SDHB: variants seen among roughly 807,000 people sequenced by gnomAD.
SDHB encodes the protein succinate dehydrogenase [ubiquinone] iron-sulfur subunit, mitochondrial.
A neutral mutation model predicts 39.7 loss-of-function variants in SDHB; 21 were observed. The ratio of observed to expected loss-of-function variants is 0.53; its 90% CI spans 0.37 to 0.76. The LOEUF (loss-of-function observed/expected upper bound fraction) is 0.76, where lower values mean the gene tolerates loss of function less well. Ranked by LOEUF, SDHB falls within the 30% of genes least tolerant of loss-of-function variation. SDHB has a pLI of 0.00. For missense variants in SDHB, 343 were observed against 350.9 expected, an observed-to-expected ratio of 0.98 and a Z score of 0.18; for synonymous variants, 118 against 117.0, an observed-to-expected ratio of 1.01 and a Z score of -0.06.
At chr1:17,030,385 T>C (rs2078016021) in intron 3 of SDHB, among the ~76,000 whole-genome samples, 1 of 152,078 alleles carries the variant, frequency 6.6e-6, no homozygotes, top group Non-Finnish European at 1.5e-5. Flanking sequence ...CATAGTACCC[T>C]GGGGCTATGA....
intron 2 of SDHB, among the ~76,000 whole-genome samples, chr1:17,036,073 T>C (rs1333361830): frequency 2.6e-5 from 4 of 152,110 alleles, no homozygotes; most frequent in Non-Finnish European, 4.4e-5. Flanking sequence ...TTGTTTGATA[T>C]TCTGGGTCCC....
chr1:17,053,820 G>A lies in SDHB; in HGVS notation c.72+128C>T, dbSNP rs2078161994. 1.6e-5 allele frequency: 12 copies of A among 728,338 alleles called. No homozygotes were observed. In the Admixed American group the frequency reaches 1.8e-4, roughly 11 times the overall value. 45.1% of individuals were successfully genotyped at this position (728,338 alleles called of 1,614,324 possible). On this transcript the variant is annotated intron_variant, in intron 1 of 7. Coordinates refer to ENST00000375499, the MANE Select transcript of SDHB (RefSeq NM_003000.3). ...GAAGCCAAACCAAAGCACTGCACCA[G>A]GGGGAGGAGGTCCTCCATCTCCCTG... is the stretch of plus-strand genomic sequence containing the variant.
intron 2 of SDHB, among the ~76,000 whole-genome samples, chr1:17,043,250 CGCGCCCG>C (rs1373697928): frequency 6.6e-6 from 1 of 151,988 alleles, no homozygotes; most frequent in Non-Finnish European, 1.5e-5. Context: ...CATGAGCCAC[CGCGCCCG>C]GCCTGTTTAT....
intron 1 of SDHB, among the ~76,000 whole-genome samples, chr1:17,049,805 C>T (rs1282964242): frequency 6.6e-6 from 1 of 151,438 alleles, no homozygotes; most frequent in Non-Finnish European, 1.5e-5. Flanking sequence ...GTCACACGCC[C>T]GGCTAACTTT....
chr1:17,037,691 A>G (rs2078057303), intron 2 of SDHB, among the ~76,000 whole-genome samples: 1 of 152,162 alleles, frequency 6.6e-6, no homozygotes, highest in South Asian at 2.1e-4. Flanking sequence ...TCCTGGACTC[A>G]AGTCATCTGC....
At chr1:17,038,991 T>C (rs2078064320) in intron 2 of SDHB, among the ~76,000 whole-genome samples, 1 of 152,174 alleles carries the variant, frequency 6.6e-6, no homozygotes, top group Non-Finnish European at 1.5e-5. Context: ...TTCTTTATTT[T>C]TTCTTGCGCT....
chr1:17,022,570 G>A (rs1327158373), intron 7 of SDHB, 38 bp downstream of exon 7: 1 of 1,612,062 alleles, frequency 6.2e-7, no homozygotes, highest in African/African-American at 1.3e-5. Flanking sequence ...TGGCGTGTCA[G>A]CTCTGAGGCA....
At chr1:17,046,699 T>A (rs771352966) in intron 1 of SDHB, among the ~76,000 whole-genome samples, 11 of 152,290 alleles carry the variant, frequency 7.2e-5, no homozygotes, top group South Asian at 2.1e-4. Flanking sequence ...AATGCTTTTT[T>A]AAAAAATTAA....
At chr1:17,037,871 T>G (rs1570953987) in intron 2 of SDHB, among the ~76,000 whole-genome samples, 1 of 152,182 alleles carries the variant, frequency 6.6e-6, no homozygotes, top group Admixed American at 6.5e-5. Context: ...GCACAGTGGC[T>G]CACACCTGCA....
At chr1:17,043,765 A>G (rs950822622) in intron 2 of SDHB, among the ~76,000 whole-genome samples, 1 of 152,232 alleles carries the variant, frequency 6.6e-6, no homozygotes, top group Non-Finnish European at 1.5e-5. Flanking sequence ...AGAGGCCAAG[A>G]GCCAAGGAGT....
intron 7 of SDHB, among the ~76,000 whole-genome samples, chr1:17,019,503 A>C (rs1020015083): frequency 2.6e-5 from 4 of 152,154 alleles, no homozygotes; most frequent in African/African-American, 9.7e-5. Flanking sequence ...TCTGCTTTGC[A>C]GGAGGCACAA....
chr1:17,038,536 T>C (rs1010293226), intron 2 of SDHB, among the ~76,000 whole-genome samples: 16 of 152,254 alleles, frequency 1.1e-4, no homozygotes, highest in Non-Finnish European at 2.2e-4. Context: ...TTTCCAAGCT[T>C]ACATATGCCT....
intron 1 of SDHB, among the ~76,000 whole-genome samples, chr1:17,051,588 A>G (rs2078147285): frequency 6.6e-6 from 1 of 151,708 alleles, no homozygotes; most frequent in Non-Finnish European, 1.5e-5. Flanking sequence ...TCCAAGCTCT[A>G]TCACTTACAA....
intron 6 of SDHB, 49 bp downstream of exon 6, chr1:17,023,924 T>A (rs200273293): frequency 5.7e-6 from 8 of 1,415,112 alleles, no homozygotes; most frequent in Non-Finnish European, 8.0e-6. Flanking sequence ...CTTGGACTTC[T>A]GGATGCTTGA....
intron 6 of SDHB, 181 bp from the exon 7 acceptor site, chr1:17,022,911 C>T: frequency 1.4e-6 from 1 of 732,180 alleles, no homozygotes. Flanking sequence ...TGTAGCTTCA[C>T]TTGATTAATG....
intron 4 of SDHB, 44 bp downstream of exon 4, chr1:17,028,556 C>A (rs1252125618): frequency 1.2e-6 from 2 of 1,607,194 alleles, no homozygotes; most frequent in Admixed American, 1.7e-5. Flanking sequence ...TAGCACTGCC[C>A]CCCATGCAAA....
chr1:17,028,409 C>T (rs1207423265), intron 4 of SDHB, among the ~76,000 whole-genome samples, 191 bp downstream of exon 4: 2 of 152,124 alleles, frequency 1.3e-5, no homozygotes, highest in African/African-American at 4.8e-5. Flanking sequence ...GGAGATTTTC[C>T]TAATCTCTCA....
chr1:17,024,512 C>T (rs1206920798), intron 5 of SDHB, among the ~76,000 whole-genome samples: 1 of 152,180 alleles, frequency 6.6e-6, no homozygotes, highest in African/African-American at 2.4e-5. Flanking sequence ...CTGGGAACAT[C>T]AACATCATCC....
At chr1:17,026,179 C>T (rs945681254) in intron 5 of SDHB, among the ~76,000 whole-genome samples, 85 of 152,274 alleles carry the variant, frequency 5.6e-4, no homozygotes, top group African/African-American at 1.7e-3. Flanking sequence ...CCAGAGGGCC[C>T]GGTTCAGCCT....
Sources: allele counts gnomAD v4.1 joint callset (sites outside exome capture counted in the v4.1 genomes callset), GRCh38; gene constraint gnomAD v4.1.1; transcripts MANE v1.5; gene names NCBI Gene and HGNC (gene_info 2026-07-23, HGNC 2026-07-21).